PTPRK: variants seen among roughly 807,000 people sequenced by gnomAD.
PTPRK encodes receptor-type tyrosine-protein phosphatase kappa.
A neutral mutation model predicts 178.0 loss-of-function variants in PTPRK; 75 were observed. That is an observed-to-expected ratio of 0.42 (90% CI 0.35 to 0.51). PTPRK has a LOEUF of 0.51. Ranked by LOEUF, PTPRK falls within the 20% of genes least tolerant of loss-of-function variation. The pLI is 0.02. For synonymous variants in PTPRK, 637 were observed against 620.6 expected, an observed-to-expected ratio of 1.03 and a Z score of -0.39; for missense variants, 1,441 against 1,797.8, an observed-to-expected ratio of 0.80 and a Z score of 3.59.
intron 3 of PTPRK, among the ~76,000 whole-genome samples, chr6:128,259,627 T>C (rs563770855): frequency 1.3e-4 from 20 of 152,306 alleles, no homozygotes; most frequent in Admixed American, 3.9e-4. Flanking sequence ...ACAGTAAGTT[T>C]GCACTGGTTA....
chr6:128,385,720 A>G (rs1371333466), intron 2 of PTPRK, among the ~76,000 whole-genome samples: 1 of 152,200 alleles, frequency 6.6e-6, no homozygotes, highest in Non-Finnish European at 1.5e-5. Flanking sequence ...AGGCTCTGCT[A>G]TTAACTATAG....
chr6:128,259,938 T>C (rs1248801777), intron 3 of PTPRK, among the ~76,000 whole-genome samples: 3 of 152,168 alleles, frequency 2.0e-5, no homozygotes, highest in Non-Finnish European at 2.9e-5. Context: ...ACGTACAACA[T>C]GGACGTAATT....
chr6:128,397,596 G>C lies in PTPRK; in HGVS notation c.193C>G (p.Pro65Ala), dbSNP rs1840486813. 2 of 1,613,640 alleles carry C rather than the reference G, an allele frequency of 1.2e-6. No individual in the cohort carries two copies. Among genetic ancestry groups the C allele is most frequent in the African/African-American group, 1.3e-5 (1 of 74,828 alleles). The change falls in exon 2 of 30, where the codon CCT becomes GCT. Residue 65 changes from proline to alanine, a missense_variant. Physicochemically the swap from Pro to Ala is conservative, Grantham distance 27. Transcript: ENST00000368226. Reference sequence around the variant, plus strand: ...GGCATCTCGGGTGGTAGATAATGAGGCTCTTGAGCACTAACATGCACCCAT... The same window carrying C: ...GGCATCTCGGGTGGTAGATAATGAGCCTCTTGAGCACTAACATGCACCCAT... ...FEWVHVSAQEPHYLPPEMPQG... is the reference protein window; with the variant it reads ...FEWVHVSAQEAHYLPPEMPQG...
At chr6:128,157,337 T>C (rs1401519395) in intron 7 of PTPRK, among the ~76,000 whole-genome samples, 2 of 152,056 alleles carry the variant, frequency 1.3e-5, no homozygotes, top group Non-Finnish European at 2.9e-5. Flanking sequence ...ATCTCATTTC[T>C]TAAAACATAT....
At chr6:128,409,930 T>C (rs1475553047) in intron 1 of PTPRK, among the ~76,000 whole-genome samples, 2 of 152,218 alleles carry the variant, frequency 1.3e-5, no homozygotes, top group East Asian at 3.8e-4. Context: ...CAGGTATGTC[T>C]TTATCAGCAG....
At chr6:128,370,099 A>C (rs1836057798) in intron 2 of PTPRK, among the ~76,000 whole-genome samples, 1 of 152,268 alleles carries the variant, frequency 6.6e-6, no homozygotes. Flanking sequence ...CAGAAAGGAC[A>C]TATCATTTGT....
chr6:128,317,755 A>G (rs953382980), intron 3 of PTPRK, among the ~76,000 whole-genome samples: 2 of 152,158 alleles, frequency 1.3e-5, no homozygotes, highest in Admixed American at 1.3e-4. Context: ...ACCAAGAGCC[A>G]TGTTCTCATA....
At chr6:128,337,102 TC>T in intron 2 of PTPRK, among the ~76,000 whole-genome samples, 1 of 152,276 alleles carries the variant, frequency 6.6e-6, no homozygotes, top group East Asian at 1.9e-4. Flanking sequence ...TTCTCTTTTC[TC>T]CCCTAAGAAC....
At chr6:128,401,346 C>G (rs1840992016) in intron 1 of PTPRK, among the ~76,000 whole-genome samples, 1 of 152,028 alleles carries the variant, frequency 6.6e-6, no homozygotes. Context: ...TACCCCTGAC[C>G]CCAAAACTAT....
intron 1 of PTPRK, among the ~76,000 whole-genome samples, chr6:128,409,962 A>G (rs1415997790): frequency 6.6e-6 from 1 of 152,190 alleles, no homozygotes; most frequent in African/African-American, 2.4e-5. Flanking sequence ...ACTAATACAC[A>G]TGTTAAATGT....
At chr6:128,152,092 G>A (rs1207075261) in intron 7 of PTPRK, among the ~76,000 whole-genome samples, 1 of 151,938 alleles carries the variant, frequency 6.6e-6, no homozygotes, top group African/African-American at 2.4e-5. Flanking sequence ...AGTGCCACAA[G>A]GTCAGGAAGA....
chr6:128,152,425 A>G (rs561732505), intron 7 of PTPRK, among the ~76,000 whole-genome samples: 1 of 152,114 alleles, frequency 6.6e-6, no homozygotes, highest in East Asian at 1.9e-4. Flanking sequence ...AACGAGGGAT[A>G]TCAGGGGAGA....
intron 13 of PTPRK, among the ~76,000 whole-genome samples, chr6:128,009,811 G>C (rs1171717618): frequency 6.6e-6 from 1 of 151,092 alleles, no homozygotes; most frequent in Non-Finnish European, 1.5e-5. Context: ...CACAAGAGAA[G>C]AATAGGCAAA....
intron 1 of PTPRK, among the ~76,000 whole-genome samples, chr6:128,411,758 G>A (rs181686932): frequency 2.0e-5 from 3 of 152,224 alleles, no homozygotes; most frequent in East Asian, 1.9e-4. Flanking sequence ...TAAATACTAC[G>A]TAAACAATAG....
At chr6:128,507,098 G>C (rs185823577) in intron 1 of PTPRK, among the ~76,000 whole-genome samples, 1 of 152,130 alleles carries the variant, frequency 6.6e-6, no homozygotes, top group Non-Finnish European at 1.5e-5. Context: ...AAACATGTTG[G>C]AATGTATATT....
chr6:128,089,720 C>T lies in PTPRK; in HGVS notation c.1435G>A (p.Glu479Lys). 1 of 1,612,964 alleles carries T rather than the reference C, an allele frequency of 6.2e-7. No homozygotes were observed. The highest frequency in any genetic ancestry group is 8.5e-7 in the Non-Finnish European group (1 of 1,178,984). ...TCATCAGTTTGAATAATTGTCTCTTCACTCTCCTTCCTTCCCTCTGGATTG... is the reference window on the plus strand; with the variant it reads ...TCATCAGTTTGAATAATTGTCTCTTTACTCTCCTTCCTTCCCTCTGGATTG... ...LTNPEGRKES[E>K]ETIIQTDEDV... Residue 479 changes from glutamate to lysine, a missense_variant, in exon 8 of 30, where the codon GAA becomes AAA. Glu to Lys is a moderately conservative substitution (Grantham distance 56). This residue lies in a region of PTPRK where 945 missense variants were observed against 1,080.6 expected (regional missense o/e 0.87). Transcript: ENST00000368226.
At chr6:128,143,889 C>A (rs917987804) in intron 7 of PTPRK, among the ~76,000 whole-genome samples, 3 of 152,190 alleles carry the variant, frequency 2.0e-5, no homozygotes, top group South Asian at 4.1e-4. Context: ...GATTTAACAA[C>A]AATGACAAAC....
chr6:128,298,806 G>C (rs1824985720), intron 3 of PTPRK, among the ~76,000 whole-genome samples: 1 of 152,060 alleles, frequency 6.6e-6, no homozygotes, highest in Non-Finnish European at 1.5e-5. Flanking sequence ...TTGAAAACTG[G>C]CACAAGACAG....
intron 3 of PTPRK, among the ~76,000 whole-genome samples, chr6:128,303,786 T>G (rs527881992): frequency 6.0e-4 from 91 of 152,356 alleles, no homozygotes; most frequent in African/African-American, 2.0e-3. Flanking sequence ...ATTTTTTTTC[T>G]TTAAAACAAT....
Sources: gnomAD v4.1 joint callset for allele counts (sites outside exome capture counted in the v4.1 genomes callset) on GRCh38, gnomAD v4.1.1 for gene constraint, gnomAD v4.1.1 regional missense constraint, MANE v1.5 for transcripts, NCBI Gene and HGNC (gene_info 2026-07-23, HGNC 2026-07-21) for gene names.